The following SP140 variants were observed in gnomAD, a reference collection of about 807,000 sequenced individuals.
The protein encoded by SP140 is nuclear body protein SP140.
In SP140, 81 loss-of-function variants were observed where a neutral mutation model predicts 125.0. The observed-to-expected ratio is 0.65, with a 90% CI of 0.54 to 0.78. The LOEUF (loss-of-function observed/expected upper bound fraction) is 0.78, where lower values mean the gene tolerates loss of function less well. SP140 is among the 30% of genes least tolerant of loss of function. The probability of loss-of-function intolerance (pLI) is 0.00; values close to 1 mark genes in which losing one functional copy is unlikely to be tolerated. For synonymous variants in SP140, 312 were observed against 354.0 expected (o/e 0.88, Z 1.33); for missense variants, 858 against 1,037.0 (o/e 0.83, Z 2.37).
chr2:230,243,746 G>C lies in SP140; in HGVS notation c.506G>C (p.Cys169Ser), dbSNP rs2049026435. The change falls in exon 5 of 27, where the codon TGT becomes TCT. Residue 169 changes from cysteine to serine, a missense_variant. Physicochemically the swap from Cys to Ser is moderately radical, Grantham distance 112. Transcript: ENST00000392045. ...CTTTCGGCAGAGAACAGCAATGCCT[G>C]TCATGAAATGGATGATATAGCAGTG... Reference protein sequence around the residue: ...PYGKQENSNACHEMDDIAVPQ... With the variant: ...PYGKQENSNASHEMDDIAVPQ... The C allele has an allele frequency of 1.2e-6, 2 of 1,612,570 alleles. No individual in the cohort carries two copies. The highest frequency in any genetic ancestry group is 8.5e-7 in the Non-Finnish European group (1 of 1,179,012).
intron 16 of SP140, 50 bp downstream of exon 16, chr2:230,284,461 T>C (rs200291160): frequency 2.0e-6 from 3 of 1,498,388 alleles, no homozygotes; most frequent in Admixed American, 4.0e-5. Context: ...ATTAGGGCAC[T>C]GTCCATTGTA....
At chr2:230,229,933 T>G (rs1284430779) in intron 1 of SP140, among the ~76,000 whole-genome samples, 1 of 152,010 alleles carries the variant, frequency 6.6e-6, no homozygotes, top group Admixed American at 6.6e-5. Context: ...AGGTAGGGGT[T>G]TTTTGTTTTT....
intron 12 of SP140, among the ~76,000 whole-genome samples, chr2:230,257,165 G>A (rs2051355547): frequency 3.3e-5 from 5 of 152,026 alleles, no homozygotes; most frequent in African/African-American, 1.2e-4. Flanking sequence ...GAATCCAAGA[G>A]ACTCTACCAG....
chr2:230,309,094 G>T (rs533452185), intron 22 of SP140, among the ~76,000 whole-genome samples: 1 of 152,252 alleles, frequency 6.6e-6, no homozygotes, highest in South Asian at 2.1e-4. Context: ...AATTAAATCT[G>T]GCTAAAGGTG....
At chr2:230,190,732 T>C in the SP140 span, among the ~76,000 whole-genome samples, 1 of 152,240 alleles carries the variant, frequency 6.6e-6, no homozygotes, top group Non-Finnish European at 1.5e-5. Flanking sequence ...TTATTTTTTG[T>C]ATAAGATGTG....
chr2:230,287,730 T>C lies in SP140; in HGVS notation c.1646-162T>C, dbSNP rs1313382964. Among the ~76,000 whole-genome samples the C allele has an allele frequency of 1.3e-5, 2 of 152,236 alleles. 1 individual carries two copies. On this transcript the variant is annotated intron_variant, in intron 17 of 26. Transcript: ENST00000392045. ...AATATAAAGTGAACCTAACATTAGC[T>C]ATCTAATTCTTCATACCTTAAAGGC...
chr2:230,218,362 A>C (rs1187484131), intron 3 of SP140, among the ~76,000 whole-genome samples: 1 of 152,250 alleles, frequency 6.6e-6, no homozygotes, highest in African/African-American at 2.4e-5. Context: ...TGAAAAGAAT[A>C]ATCCGCAATC....
chr2:230,276,918 G>A (rs2054798747), intron 15 of SP140, among the ~76,000 whole-genome samples: 1 of 152,164 alleles, frequency 6.6e-6, no homozygotes, highest in South Asian at 2.1e-4. Flanking sequence ...AGAATTAGAA[G>A]TGGAGCCTGA....
chr2:230,198,705 C>T (rs2042989692), upstream of SP140, among the ~76,000 whole-genome samples: 1 of 152,056 alleles, frequency 6.6e-6, no homozygotes, highest in Non-Finnish European at 1.5e-5. Flanking sequence ...AGCAATTCTC[C>T]TGTCTCAGCC....
Position 230,244,996 on chromosome 2 carries a change from TCAG to T in SP140, c.581_583del (p.Ser194_Glu195delinsTer). 6.2e-7 allele frequency: 1 copy of T among 1,612,058 alleles called. No homozygotes were observed. The highest frequency in any genetic ancestry group is 8.5e-7 in the Non-Finnish European group (1 of 1,178,726). ...GCCTTGTTTATTTCCAGGTTTCTCT[TCAG>T]AGTCTTGTGAGCAGTTAGCTCTCCC... On this transcript the variant is annotated stop_gained and inframe_deletion, in exon 6 of 27. Transcript: ENST00000392045. LOFTEE classifies it high-confidence loss of function.
intron 11 of SP140, 81 bp from the exon 12 acceptor site, chr2:230,255,371 A>C (rs1178813887): frequency 2.6e-5 from 40 of 1,524,350 alleles, no homozygotes; most frequent in Non-Finnish European, 9.1e-7. Context: ...TCAGCTTTCC[A>C]CATCTTCACT....
At chr2:230,294,211 G>T (rs1170106051) in intron 20 of SP140, 60 bp from the exon 21 acceptor site, 1 of 1,409,042 alleles carries the variant, frequency 7.1e-7, no homozygotes, top group Non-Finnish European at 1.0e-6. Flanking sequence ...GGTTGGAAAT[G>T]CCAGACTCAC....
upstream of SP140, chr2:230,200,719 T>C (rs1450694125): frequency 1.2e-5 from 8 of 656,634 alleles, no homozygotes; most frequent in Non-Finnish European, 1.9e-5. Flanking sequence ...TTTGTAGTAG[T>C]AAATATCATG....
At chr2:230,226,762 CAA>C (rs11323886) in intron 1 of SP140, among the ~76,000 whole-genome samples, 1,589 of 94,288 alleles carry the variant, frequency 0.017, 33 homozygotes, top group African/African-American at 0.056. Context: ...AATTCCATCT[CAA>C]AAAAAAAAAA....
intron 17 of SP140, among the ~76,000 whole-genome samples, chr2:230,286,196 C>T (rs1466433180): frequency 6.6e-6 from 1 of 152,176 alleles, no homozygotes; most frequent in Admixed American, 6.5e-5. Context: ...GAGTTCTTTC[C>T]TGTCTTGAGC....
chr2:230,254,311 A>G (rs3769843), intron 11 of SP140, among the ~76,000 whole-genome samples: 21,623 of 152,196 alleles, frequency 0.14, 1,579 homozygotes, highest in African/African-American at 0.18. Context: ...CGGCACCTCT[A>G]TCAATAGTGA....
intron 17 of SP140, among the ~76,000 whole-genome samples, chr2:230,287,123 G>A (rs1286437390): frequency 6.6e-6 from 1 of 152,180 alleles, no homozygotes; most frequent in Non-Finnish European, 1.5e-5. Flanking sequence ...CGGCTGCAGT[G>A]TCTGCCATGT....
intron 18 of SP140, among the ~76,000 whole-genome samples, chr2:230,289,131 T>A (rs1354692725): frequency 6.6e-6 from 1 of 152,238 alleles, no homozygotes; most frequent in Non-Finnish European, 1.5e-5. Flanking sequence ...CAGCATCTGT[T>A]GTTTCCTGAC....
At chr2:230,204,436 T>C (rs1374030697) in intron 1 of SP140, among the ~76,000 whole-genome samples, 1 of 152,136 alleles carries the variant, frequency 6.6e-6, no homozygotes, top group Admixed American at 6.5e-5. Context: ...TAATAAGAAT[T>C]TGGAGAATTG....
Sources: allele counts gnomAD v4.1 joint callset (sites outside exome capture counted in the v4.1 genomes callset), GRCh38; gene constraint gnomAD v4.1.1; transcripts MANE v1.5; gene names NCBI Gene and HGNC (gene_info 2026-07-23, HGNC 2026-07-21).